Variants in TACC2 observed in about 807,000 individuals in gnomAD.
The protein encoded by TACC2 is transforming acidic coiled-coil-containing protein 2.
Under a neutral mutation model 227.3 loss-of-function variants are expected in TACC2, and 137 were observed. That is an observed-to-expected ratio of 0.60 (90% CI 0.52 to 0.69). The LOEUF is 0.69. Ranked by LOEUF, TACC2 falls within the 30% of genes least tolerant of loss-of-function variation. The pLI, the probability that TACC2 is intolerant of heterozygous loss-of-function variation, is 0.00. For synonymous variants in TACC2, 1,523 were observed against 1,487.5 expected, an observed-to-expected ratio of 1.02 and a Z score of -0.55; for missense variants, 3,470 against 3,694.4, an observed-to-expected ratio of 0.94 and a Z score of 1.57.
intron 5 of TACC2, among the ~76,000 whole-genome samples, chr10:122,125,134 G>A (rs991575842): frequency 1.1e-4 from 16 of 152,138 alleles, no homozygotes; most frequent in African/African-American, 3.4e-4. Flanking sequence ...CATGCTCTAT[G>A]TCATGCCCCC....
chr10:122,073,429 C>T (rs2078379708), intron 3 of TACC2, among the ~76,000 whole-genome samples: 1 of 152,078 alleles, frequency 6.6e-6, no homozygotes, highest in South Asian at 2.1e-4. Flanking sequence ...ACAAGCAGAT[C>T]CCACCTGGGA....
chr10:122,037,771 T>C (rs1960867706), intron 2 of TACC2, among the ~76,000 whole-genome samples: 3 of 152,286 alleles, frequency 2.0e-5, no homozygotes, highest in Admixed American at 2.0e-4. Flanking sequence ...CCTGAGTCTT[T>C]CTCTTGTACA....
chr10:122,204,145 T>G (rs1369243234), intron 8 of TACC2, among the ~76,000 whole-genome samples: 25 of 132,136 alleles, frequency 1.9e-4, no homozygotes, highest in Admixed American at 1.2e-3. Flanking sequence ...GAGGGAGACC[T>G]TGGAAAGAGA....
chr10:122,063,256 G>A (rs1008133754), intron 3 of TACC2, among the ~76,000 whole-genome samples: 1 of 152,190 alleles, frequency 6.6e-6, no homozygotes, highest in South Asian at 2.1e-4. Flanking sequence ...TTTCCCAGGC[G>A]GCCTGCTCTG....
intron 5 of TACC2, 51 bp downstream of exon 5, chr10:122,088,642 C>G: frequency 6.3e-7 from 1 of 1,586,200 alleles, no homozygotes; most frequent in Non-Finnish European, 8.6e-7. Context: ...TCCTTAGATA[C>G]AGACACACTG....
chr10:122,249,750 C>CA (rs2096214234), intron 22 of TACC2, 86 bp downstream of exon 22: 1 of 1,458,172 alleles, frequency 6.9e-7, no homozygotes, highest in African/African-American at 1.4e-5. Flanking sequence ...GGCTGGGCTT[C>CA]CCTGGCCACT....
chr10:122,051,765 CTTTTTTTTTTT>C (rs56185263), intron 3 of TACC2: 1 of 122,462 alleles, frequency 8.2e-6, no homozygotes, highest in South Asian at 2.6e-4. Flanking sequence ...CTCAAAGTGA[CTTTTTTTTTTT>C]TTTTTTTTTT....
intron 7 of TACC2, among the ~76,000 whole-genome samples, chr10:122,156,940 A>G (rs991838303): frequency 4.6e-5 from 7 of 152,000 alleles, no homozygotes; most frequent in African/African-American, 1.4e-4. Flanking sequence ...GTGAGACCAC[A>G]TCTCTACAAA....
At chr10:122,104,931 T>C (rs1431422322) in intron 5 of TACC2, among the ~76,000 whole-genome samples, 1 of 152,226 alleles carries the variant, frequency 6.6e-6, no homozygotes. Context: ...CGTTATCTGA[T>C]GATAGACGTA....
intron 18 of TACC2, among the ~76,000 whole-genome samples, chr10:122,239,580 T>C (rs2095939255): frequency 6.6e-6 from 1 of 152,224 alleles, no homozygotes; most frequent in South Asian, 2.1e-4. Context: ...TGGGTGGTTC[T>C]AGTTTTTTTA....
chr10:122,198,334 A>C (rs1012039432), intron 8 of TACC2, among the ~76,000 whole-genome samples: 3 of 152,098 alleles, frequency 2.0e-5, no homozygotes, highest in Non-Finnish European at 4.4e-5. Flanking sequence ...TTATCTGTGA[A>C]ATGAAGAGGG....
chr10:122,101,329 A>G (rs2082114689), intron 5 of TACC2, among the ~76,000 whole-genome samples: 1 of 152,132 alleles, frequency 6.6e-6, no homozygotes, highest in East Asian at 1.9e-4. Flanking sequence ...ATCTATCACT[A>G]TTGGAAGGAG....
intron 2 of TACC2, among the ~76,000 whole-genome samples, chr10:122,034,591 C>T (rs1297514293): frequency 2.6e-5 from 4 of 152,124 alleles, no homozygotes; most frequent in African/African-American, 9.7e-5. Flanking sequence ...CTTCCATCAG[C>T]ACAACTTACC....
chr10:122,094,275 A>G (rs1366027466), intron 5 of TACC2, among the ~76,000 whole-genome samples: 2 of 152,114 alleles, frequency 1.3e-5, no homozygotes, highest in East Asian at 1.9e-4. Context: ...AGCTTCAAGT[A>G]TCTTTATTTA....
intron 7 of TACC2, among the ~76,000 whole-genome samples, chr10:122,170,660 A>G (rs190821929): frequency 2.0e-4 from 30 of 152,258 alleles, no homozygotes; most frequent in Admixed American, 1.4e-3. Context: ...AGAACGGTCC[A>G]TGTCATTGGA....
At chr10:122,170,304 CT>C (rs1172727660) in intron 7 of TACC2, among the ~76,000 whole-genome samples, 1 of 129,700 alleles carries the variant, frequency 7.7e-6, no homozygotes, top group Non-Finnish European at 1.6e-5. Context: ...GAGTCTCACT[CT>C]GCCCCCCAGG....
At chr10:122,158,329 C>T (rs187865832) in intron 7 of TACC2, among the ~76,000 whole-genome samples, 1,675 of 151,772 alleles carry the variant, frequency 0.011, 35 homozygotes, top group African/African-American at 0.037. Flanking sequence ...GCAGAGGTTG[C>T]AGTGAGCTGA....
chr10:122,080,448 G>A (rs1225901703), intron 3 of TACC2, among the ~76,000 whole-genome samples: 8 of 151,912 alleles, frequency 5.3e-5, no homozygotes, highest in African/African-American at 1.9e-4. Context: ...TGCCCAGGCT[G>A]GTCTTGAACT....
At chr10:122,123,154 C>G (rs909650413) in intron 5 of TACC2, among the ~76,000 whole-genome samples, 1 of 152,148 alleles carries the variant, frequency 6.6e-6, no homozygotes, top group Non-Finnish European at 1.5e-5. Flanking sequence ...AGGTGCACGC[C>G]AACACACCCG....
Sources: gnomAD v4.1 joint callset for allele counts (sites outside exome capture counted in the v4.1 genomes callset) on GRCh38, gnomAD v4.1.1 for gene constraint, MANE v1.5 for transcripts, NCBI Gene and HGNC (gene_info 2026-07-23, HGNC 2026-07-21) for gene names.